RUNX3: variants seen among roughly 807,000 people sequenced by gnomAD.
RUNX3 encodes the protein runt-related transcription factor 3.
In RUNX3, 10 loss-of-function variants were observed where a neutral mutation model predicts 27.7. The ratio of observed to expected loss-of-function variants is 0.36; its 90% confidence interval spans 0.22 to 0.61. The LOEUF (loss-of-function observed/expected upper bound fraction) is 0.61, where lower values mean the gene tolerates loss of function less well. Among genes scored for constraint, RUNX3 ranks in the 20% least tolerant of loss-of-function variants. The pLI, the probability that RUNX3 is intolerant of heterozygous loss-of-function variation, is 0.72. For missense variants in RUNX3, 469 were observed against 629.5 expected, an observed-to-expected ratio of 0.75 and a Z score of 2.73; for synonymous variants, 270 against 269.2, an observed-to-expected ratio of 1.00 and a Z score of -0.03.
chr1:24,900,387 G>C lies in RUNX3; in HGVS notation c.*1735C>G, dbSNP rs1162608681. 6.6e-6 allele frequency: 1 copy of C among 152,390 alleles called. No homozygotes were observed. The highest frequency in any genetic ancestry group is 2.4e-5 in the African/African-American group (1 of 41,448). 9.4% of individuals were successfully genotyped at this position (152,390 alleles called of 1,614,324 possible). On this transcript the variant is annotated 3_prime_UTR_variant, in exon 5 of 5. Coordinates refer to ENST00000308873, the MANE Select transcript of RUNX3 (RefSeq NM_004350.3). ...AGAGACAACCAATGAAGAGCATTTTGTAGGGCAGATTTCTGCATCCACAGA... is the reference window on the plus strand; with the variant it reads ...AGAGACAACCAATGAAGAGCATTTTCTAGGGCAGATTTCTGCATCCACAGA...
Position 24,927,558 on chromosome 1 carries a change from C to T in RUNX3, c.439+16G>A, listed in dbSNP as rs1164105743. 1.2e-6 allele frequency: 2 copies of T among 1,613,510 alleles called. No homozygotes were observed. Among genetic ancestry groups the T allele is most frequent in the Non-Finnish European group, 8.5e-7 (1 of 1,179,562 alleles). ...CATTGCCAATGCTGAAATGGCGAGGCCTCCCTTCCACTTACCTCGCCCACT... is the reference window on the plus strand; with the variant it reads ...CATTGCCAATGCTGAAATGGCGAGGTCTCCCTTCCACTTACCTCGCCCACT... On this transcript the variant is annotated intron_variant, in intron 2 of 4. Transcript: ENST00000308873. The surrounding 1 kb of genome is among the most constrained non-coding windows in gnomAD (Gnocchi z 5.0).
intron 4 of RUNX3, among the ~76,000 whole-genome samples, chr1:24,906,266 T>G (rs1057081364): frequency 1.3e-5 from 2 of 152,258 alleles, no homozygotes; most frequent in African/African-American, 4.8e-5. Context: ...GTGGAGACTG[T>G]GGACCTGGTC....
At position 24,901,021 on chromosome 1, in the gene RUNX3, T is replaced by G. The variant is rs1360797186; in HGVS notation, c.*1101A>C. 1 of 143,024 alleles carries G rather than the reference T, an allele frequency of 7.0e-6. No homozygotes were observed. Among genetic ancestry groups the G allele is most frequent in the East Asian group, 1.9e-4 (1 of 5,162 alleles). The allele number at this position is 143,024 out of a possible 1,614,324, so 8.9% of individuals were successfully genotyped here. A position where few individuals can be genotyped will look rare whatever the true frequency, so the allele number is the denominator to read the frequency against. ...ATCAGTTTTAAAAACTGTTTTGTTT[T>G]TTTTTTGTTTTTTTGTTTTTTTTTT... On this transcript the variant is annotated 3_prime_UTR_variant, in exon 5 of 5. Transcript: ENST00000308873.
chr1:24,922,782 CAAAAAAA>C (rs57671911), intron 2 of RUNX3, among the ~76,000 whole-genome samples: 11 of 21,540 alleles, frequency 5.1e-4, no homozygotes, highest in South Asian at 2.5e-3. Flanking sequence ...GCCCACAGGG[CAAAAAAA>C]AAAAAAAAAA....
At chr1:24,933,668 G>A (rs1171668032), upstream of RUNX3, among the ~76,000 whole-genome samples, 1 of 152,188 alleles carries the variant, frequency 6.6e-6, no homozygotes, top group Non-Finnish European at 1.5e-5. Context: ...GGCCAGAGCT[G>A]GGTCTCGATG....
chr1:24,914,472 C>T (rs1557839917), intron 3 of RUNX3, among the ~76,000 whole-genome samples: 1 of 152,196 alleles, frequency 6.6e-6, no homozygotes, highest in Non-Finnish European at 1.5e-5. Context: ...GGGTGGTCTG[C>T]TGTGAATCGG....
intron 2 of RUNX3, among the ~76,000 whole-genome samples, chr1:24,920,214 CTTTTTT>C (rs60076928): frequency 1.4e-5 from 2 of 144,898 alleles, no homozygotes; most frequent in Non-Finnish European, 3.1e-5. Flanking sequence ...TAAAATACTA[CTTTTTT>C]TTTTTTTTAC....
At position 24,901,036 on chromosome 1, in the gene RUNX3, G is replaced by GTTTTTTTTTTTTTTTTT. The variant is rs3085849; in HGVS notation, c.*1085_*1086insAAAAAAAAAAAAAAAAA. 1 of 116,908 alleles carries GTTTTTTTTTTTTTTTTT rather than the reference G, an allele frequency of 8.6e-6. No homozygotes were observed. Among genetic ancestry groups the GTTTTTTTTTTTTTTTTT allele is most frequent in the East Asian group, 2.3e-4 (1 of 4,378 alleles). The allele number at this position is 116,908 out of a possible 1,614,324, so 7.2% of individuals were successfully genotyped here. Reference sequence around the variant, plus strand: ...TGTTTTGTTTTTTTTTTGTTTTTTTGTTTTTTTTTTTTTTTTGCTCAGGAC... The same window carrying GTTTTTTTTTTTTTTTTT: ...TGTTTTGTTTTTTTTTTGTTTTTTTGTTTTTTTTTTTTTTTTTTTTTTTTTTTTTTTTTGCTCAGGAC... On this transcript the variant is annotated 3_prime_UTR_variant, in exon 5 of 5. Coordinates refer to ENST00000308873, the MANE Select transcript of RUNX3 (RefSeq NM_004350.3).
rs1474913836 is a variant in RUNX3, at chr1:24,964,528, G to A, written c.44C>T (p.Pro15Leu). Residue 15 changes from proline to leucine, a missense_variant, in exon 2 of 7, where the codon CCG (proline) becomes CTG (leucine). By Grantham distance (98) the Pro-to-Leu change is moderately conservative. Transcript: ENST00000338888. ...TTGTTACTCACCGCGGATGAAGGTCGGCGAGTAGGTCGGGAAGGAGTCGAA... is the reference window on the plus strand; with the variant it reads ...TTGTTACTCACCGCGGATGAAGGTCAGCGAGTAGGTCGGGAAGGAGTCGAA... 8 of 1,611,492 alleles carry A rather than the reference G, an allele frequency of 5.0e-6. 1 individual carries two copies. The highest frequency in any genetic ancestry group is 1.3e-5 in the African/African-American group (1 of 74,848).
rs2282717 is a variant in RUNX3, at chr1:24,909,199, G to A, written c.545-1782C>T. On this transcript the variant is annotated intron_variant, in intron 3 of 4. Coordinates refer to ENST00000308873, the MANE Select transcript of RUNX3 (RefSeq NM_004350.3). ...TATCAAGCTTGCAGGGACCTCCCCCGCCACACACACTTTTTTAATTACTAA... is the reference window on the plus strand; with the variant it reads ...TATCAAGCTTGCAGGGACCTCCCCCACCACACACACTTTTTTAATTACTAA... 1.3e-3 allele frequency among the ~76,000 whole-genome samples: 192 copies of A among 152,180 alleles called. 6 individuals carry two copies. The East Asian group carries it at 0.032, about 25-fold the overall frequency.
rs757662116 is a variant in RUNX3, at chr1:24,927,635, G to A, written c.378C>T (p.Ala126=). 8 of 1,613,988 alleles carry A rather than the reference G, an allele frequency of 5.0e-6. No homozygotes were observed. The highest frequency in any genetic ancestry group is 6.8e-6 in the Non-Finnish European group (8 of 1,180,032). The change falls in exon 2 of 5, where the codon GCC becomes GCT. Residue 126 remains alanine, a synonymous_variant. Transcript: ENST00000308873. This position sits in a 1 kb window ranked among gnomAD's most constrained non-coding sequence, Gnocchi z 5.0. ...NYSAELRNAS[A]VMKNQVARFN... is the part of the protein sequence containing the mutation. ...ACCTGGCCACCTGGTTCTTCATGAC[G>A]GCCGAGGCATTGCGCAGCTCAGCGG... is the stretch of plus-strand genomic sequence containing the variant.
chr1:24,918,570 T>C (rs973619634), intron 3 of RUNX3, among the ~76,000 whole-genome samples: 2 of 148,796 alleles, frequency 1.3e-5, no homozygotes, highest in African/African-American at 4.9e-5. Flanking sequence ...CTCTATTTCA[T>C]TCATTCATTC....
intron 2 of RUNX3, among the ~76,000 whole-genome samples, chr1:24,937,836 T>G (rs116229695): frequency 0.022 from 3,351 of 152,314 alleles, 120 homozygotes; most frequent in African/African-American, 0.076. Flanking sequence ...TAGTTGTTTG[T>G]GCCACTTGTA....
intron 2 of RUNX3, among the ~76,000 whole-genome samples, chr1:24,939,839 G>A (rs936068711): frequency 2.6e-5 from 4 of 152,232 alleles, no homozygotes; most frequent in Admixed American, 6.5e-5. Context: ...GGTGCCCCAC[G>A]GCAGCATGGG....
At chr1:24,955,050 T>C (rs1557861045) in intron 2 of RUNX3, among the ~76,000 whole-genome samples, 1 of 152,160 alleles carries the variant, frequency 6.6e-6, no homozygotes, top group Non-Finnish European at 1.5e-5. Flanking sequence ...CTCCATGTAA[T>C]CCTTTTGTGT....
intron 2 of RUNX3, among the ~76,000 whole-genome samples, chr1:24,921,618 C>A (rs1344542710): frequency 6.6e-6 from 1 of 152,236 alleles, no homozygotes; most frequent in African/African-American, 2.4e-5. Flanking sequence ...GGGCTCCCTG[C>A]CCGACCCCTC....
At chr1:24,953,402 G>GAAAAAAAAAAAAA (rs553316885) in intron 2 of RUNX3, among the ~76,000 whole-genome samples, 4 of 70,462 alleles carry the variant, frequency 5.7e-5, no homozygotes, top group Non-Finnish European at 8.8e-5. Context: ...AAAGAAAAAT[G>GAAAAAAAAAAAAA]AAAAAAAAAA....
intron 2 of RUNX3, chr1:24,961,603 A>C (rs1642114982): frequency 6.6e-6 from 1 of 152,216 alleles, no homozygotes; most frequent in Non-Finnish European, 1.5e-5. Context: ...AGCAGTCCCC[A>C]AGCCTGCCTG....
chr1:24,914,533 CTGGCCGGGGGCCAGCG>C (rs1640850934), intron 3 of RUNX3, among the ~76,000 whole-genome samples: 1 of 152,178 alleles, frequency 6.6e-6, no homozygotes, highest in South Asian at 2.1e-4. Context: ...GGGAAACGGG[CTGGCCGGGGGCCAGCG>C]GGCAGGGAGG....
Sources: gnomAD v4.1 joint callset for allele counts (sites outside exome capture counted in the v4.1 genomes callset) on GRCh38, gnomAD v4.1.1 for gene constraint, Gnocchi (gnomAD v3.1) non-coding constraint, MANE v1.5 for transcripts, NCBI Gene and HGNC (gene_info 2026-07-23, HGNC 2026-07-21) for gene names.